DSCAM: variants seen among roughly 807,000 people sequenced by gnomAD.
The protein encoded by DSCAM is DS cell adhesion molecule.
A neutral mutation model predicts 217.7 loss-of-function variants in DSCAM; 47 were observed. The observed-to-expected ratio is 0.22, with a 90% CI of 0.17 to 0.28. The LOEUF (loss-of-function observed/expected upper bound fraction) is 0.28. DSCAM is among the 10% of genes least tolerant of loss of function. The probability of loss-of-function intolerance (pLI) is 1.00; values close to 1 mark genes in which losing one functional copy is unlikely to be tolerated. For missense variants in DSCAM, 2,080 were observed against 2,618.3 expected, an observed-to-expected ratio of 0.79 and a Z score of 4.49; for synonymous variants, 1,056 against 1,015.3, an observed-to-expected ratio of 1.04 and a Z score of -0.76.
rs926799274 is a variant in DSCAM, at chr21:40,485,241, T to C, written c.509-115996A>G. Among the ~76,000 whole-genome samples, 152 of 111,000 alleles carry C rather than the reference T, an allele frequency of 1.4e-3. 1 individual carries two copies. The highest frequency in any genetic ancestry group is 1.2e-3 in the Non-Finnish European group (66 of 55,416). 72.8% of individuals were successfully genotyped at this position (111,000 alleles called of 152,430 possible). On this transcript the variant is annotated intron_variant, in intron 3 of 32. Transcript: ENST00000400454. ...AATATCACACTGACTTTCTTTCTTT[T>C]TTTTTTTTTTTTTTTTTGAGACGGA...
chr21:40,637,586 CATATATAAATATATAT>C (rs2089813516), intron 3 of DSCAM, among the ~76,000 whole-genome samples: 1 of 45,736 alleles, frequency 2.2e-5, no homozygotes, highest in Non-Finnish European at 3.9e-5. Context: ...TAAATATATA[CATATATAAATATATAT>C]ATAAATATAT....
At chr21:40,571,573 G>A (rs1444064831) in intron 3 of DSCAM, among the ~76,000 whole-genome samples, 3 of 152,162 alleles carry the variant, frequency 2.0e-5, no homozygotes, top group Non-Finnish European at 2.9e-5. Context: ...ATACATGATA[G>A]AAGCTCAAAT....
chr21:40,139,476 C>T (rs1401751610), intron 18 of DSCAM, among the ~76,000 whole-genome samples: 2 of 152,012 alleles, frequency 1.3e-5, no homozygotes, highest in African/African-American at 4.8e-5. Flanking sequence ...TTGCGTTCTT[C>T]TGAGTTTCTG....
chr21:40,079,947 A>G (rs958128020), intron 25 of DSCAM, among the ~76,000 whole-genome samples: 6 of 152,090 alleles, frequency 3.9e-5, no homozygotes, highest in African/African-American at 1.4e-4. Context: ...TTTTAACTGC[A>G]AATGAAACAA....
intron 11 of DSCAM, among the ~76,000 whole-genome samples, chr21:40,205,803 A>T (rs1292005547): frequency 6.6e-6 from 1 of 152,152 alleles, no homozygotes; most frequent in Non-Finnish European, 1.5e-5. Context: ...GGCATATAAG[A>T]TATTTAAGCA....
At chr21:40,130,186 A>G (rs1460511239) in intron 19 of DSCAM, among the ~76,000 whole-genome samples, 3 of 152,248 alleles carry the variant, frequency 2.0e-5, no homozygotes, top group Non-Finnish European at 4.4e-5. Context: ...TTGGAAGATT[A>G]ATAGATTGCA....
At chr21:40,795,856 G>A (rs1206884837) in intron 1 of DSCAM, among the ~76,000 whole-genome samples, 3 of 152,094 alleles carry the variant, frequency 2.0e-5, no homozygotes, top group Non-Finnish European at 4.4e-5. Flanking sequence ...GTATTTAGTG[G>A]GCCTCAGTAT....
Position 40,189,252 on chromosome 21 carries a change from A to G in DSCAM, c.2357-14T>C. ...TCATCGCAGGAACTGAAAAAGCAAA[A>G]GGGACACAACTTGTTCAGCAAAGCA... On this transcript the variant is annotated splice_polypyrimidine_tract_variant and intron_variant, in intron 11 of 32. Coordinates refer to ENST00000400454, the MANE Select transcript of DSCAM (RefSeq NM_001389.5). 6.4e-7 allele frequency: 1 copy of G among 1,552,946 alleles called. No homozygotes were observed. The highest frequency in any genetic ancestry group is 8.7e-7 in the Non-Finnish European group (1 of 1,151,278).
intron 4 of DSCAM, among the ~76,000 whole-genome samples, chr21:40,357,725 G>A (rs374854541): frequency 5.9e-5 from 9 of 152,140 alleles, no homozygotes; most frequent in South Asian, 2.1e-4. Flanking sequence ...GTGCGGGGAG[G>A]GGGGAGAGAT....
chr21:40,342,899 G>A (rs547532561), intron 6 of DSCAM, among the ~76,000 whole-genome samples: 3 of 150,714 alleles, frequency 2.0e-5, no homozygotes, highest in African/African-American at 4.9e-5. Context: ...CACATTAATC[G>A]TTTTAGAGAG....
At chr21:40,424,402 T>A (rs374321338) in intron 3 of DSCAM, among the ~76,000 whole-genome samples, 3 of 152,118 alleles carry the variant, frequency 2.0e-5, no homozygotes, top group African/African-American at 7.2e-5. Flanking sequence ...GAACATGAGG[T>A]AAAAACACTG....
intron 20 of DSCAM, among the ~76,000 whole-genome samples, chr21:40,098,061 A>C (rs2089705946): frequency 6.6e-6 from 1 of 151,914 alleles, no homozygotes; most frequent in Non-Finnish European, 1.5e-5. Flanking sequence ...AAATAAAGGA[A>C]CTTAAGTGAT....
chr21:40,286,314 G>C (rs1401982832), intron 10 of DSCAM, among the ~76,000 whole-genome samples: 2 of 152,160 alleles, frequency 1.3e-5, no homozygotes, highest in Non-Finnish European at 1.5e-5. Flanking sequence ...CTGTGGAACT[G>C]GCATTCAAGG....
At chr21:40,803,366 T>G (rs544419695) in intron 1 of DSCAM, among the ~76,000 whole-genome samples, 16 of 152,276 alleles carry the variant, frequency 1.1e-4, no homozygotes, top group Admixed American at 2.6e-4. Context: ...TGCTACCCCA[T>G]TACCCACCAC....
chr21:40,202,327 T>C (rs957451524), intron 11 of DSCAM, among the ~76,000 whole-genome samples: 1 of 152,386 alleles, frequency 6.6e-6, no homozygotes, highest in African/African-American at 2.4e-5. Context: ...AGCTGCTTTA[T>C]GTACAGCTGT....
intron 11 of DSCAM, among the ~76,000 whole-genome samples, chr21:40,225,838 G>A (rs2091328288): frequency 6.6e-6 from 1 of 152,094 alleles, no homozygotes; most frequent in Admixed American, 6.5e-5. Context: ...AAGTCCCCCT[G>A]TCCTCCAACA....
chr21:40,106,742 T>C (rs2089825746), intron 20 of DSCAM, among the ~76,000 whole-genome samples: 1 of 152,264 alleles, frequency 6.6e-6, no homozygotes, highest in Non-Finnish European at 1.5e-5. Context: ...TTCTAGGTTT[T>C]CTAGTTTATG....
intron 1 of DSCAM, among the ~76,000 whole-genome samples, chr21:40,739,885 A>C (rs1029151445): frequency 6.7e-6 from 1 of 149,584 alleles, no homozygotes; most frequent in South Asian, 2.1e-4. Flanking sequence ...AATGATTTTC[A>C]ATATTCAGTC....
At chr21:40,752,690 G>A (rs2091240715) in intron 1 of DSCAM, among the ~76,000 whole-genome samples, 1 of 151,988 alleles carries the variant, frequency 6.6e-6, no homozygotes, top group African/African-American at 2.4e-5. Context: ...CTGTCCAACA[G>A]AACAACAACA....
Sources: allele counts gnomAD v4.1 joint callset (sites outside exome capture counted in the v4.1 genomes callset), GRCh38; gene constraint gnomAD v4.1.1; transcripts MANE v1.5; gene names NCBI Gene and HGNC (gene_info 2026-07-23, HGNC 2026-07-21).